Variants in PPFIA2 observed in about 807,000 individuals in gnomAD.
PPFIA2 encodes the protein liprin-alpha-2.
PPFIA2 carries 46 observed loss-of-function variants against 175.5 expected under a neutral mutation model. The ratio of observed to expected loss-of-function variants is 0.26; its 90% confidence interval spans 0.21 to 0.34. The LOEUF (loss-of-function observed/expected upper bound fraction) is 0.34. Ranked by LOEUF, PPFIA2 falls within the 10% of genes least tolerant of loss-of-function variation. The probability of loss-of-function intolerance (pLI) is 1.00; values close to 1 mark genes in which losing one functional copy is unlikely to be tolerated. For synonymous variants in PPFIA2, 568 were observed against 511.4 expected (o/e 1.11, Z -1.49); for missense variants, 1,179 against 1,506.1 (o/e 0.78, Z 3.60).
intron 3 of PPFIA2, among the ~76,000 whole-genome samples, chr12:81,732,389 A>C (rs1486869745): frequency 1.3e-5 from 2 of 151,580 alleles, no homozygotes; most frequent in East Asian, 3.9e-4. Context: ...TGGAAAGTCC[A>C]GTGTGGGGAA....
chr12:81,542,276 G>A (rs1310361997), intron 4 of PPFIA2, among the ~76,000 whole-genome samples: 1 of 152,078 alleles, frequency 6.6e-6, no homozygotes, highest in Non-Finnish European at 1.5e-5. Context: ...TAAAGCCACA[G>A]GAGGCTGAAA....
chr12:81,330,373 A>G (rs2055860186), intron 21 of PPFIA2, among the ~76,000 whole-genome samples: 1 of 152,186 alleles, frequency 6.6e-6, no homozygotes, highest in East Asian at 1.9e-4. Context: ...AAAATTATGT[A>G]ATGTTCTTAA....
chr12:81,375,839 T>C lies in PPFIA2; in HGVS notation c.1088A>G (p.Lys363Arg), dbSNP rs1184161145. ...ESTSIHDMND[K>R]LENELANKEA... ...TTTATTTGCTAACTCATTTTCTAGTTTATCATTCATGTCATGTATGGAGGT... is the reference window on the plus strand; with the variant it reads ...TTTATTTGCTAACTCATTTTCTAGTCTATCATTCATGTCATGTATGGAGGT... Residue 363 changes from lysine (K) to arginine (R), a missense_variant, in exon 10 of 33, where the codon AAA becomes AGA. Physicochemically the swap from Lys to Arg is conservative, Grantham distance 26 (BLOSUM62 2). Coordinates refer to ENST00000549396, the MANE Select transcript of PPFIA2 (RefSeq NM_003625.5). The C allele has an allele frequency of 6.2e-7, 1 of 1,608,994 alleles. No individual in the cohort carries two copies. Among genetic ancestry groups the C allele is most frequent in the South Asian group, 1.1e-5 (1 of 90,962 alleles).
intron 4 of PPFIA2, among the ~76,000 whole-genome samples, chr12:81,462,700 T>C (rs1314003080): frequency 4.0e-5 from 6 of 150,602 alleles, no homozygotes; most frequent in African/African-American, 1.2e-4. Flanking sequence ...ATCTGCAGTA[T>C]ACCTCCCACC....
chr12:81,688,760 T>A (rs2074800225), intron 3 of PPFIA2, among the ~76,000 whole-genome samples: 1 of 148,786 alleles, frequency 6.7e-6, no homozygotes, highest in African/African-American at 2.5e-5. Flanking sequence ...AAGGCAGAAT[T>A]TTTTGTGAAC....
At chr12:81,406,917 G>T (rs2043038656) in intron 7 of PPFIA2, among the ~76,000 whole-genome samples, 1 of 152,122 alleles carries the variant, frequency 6.6e-6, no homozygotes, top group Admixed American at 6.5e-5. Context: ...ATATCAAGGG[G>T]TTGGGTGTTT....
intron 4 of PPFIA2, among the ~76,000 whole-genome samples, chr12:81,485,172 T>A (rs1215693801): frequency 6.6e-6 from 1 of 151,850 alleles, no homozygotes; most frequent in Non-Finnish European, 1.5e-5. Flanking sequence ...TCTTCAAATT[T>A]CTAATTCAAA....
At chr12:81,438,061 A>G (rs1366780256) in intron 7 of PPFIA2, among the ~76,000 whole-genome samples, 3 of 152,076 alleles carry the variant, frequency 2.0e-5, no homozygotes, top group African/African-American at 7.2e-5. Context: ...TTTAATTCAC[A>G]TAGAGTTTAC....
chr12:81,267,728 ATTTTTTTT>A (rs137975780), intron 29 of PPFIA2, among the ~76,000 whole-genome samples, 176 bp downstream of exon 29: 6 of 77,762 alleles, frequency 7.7e-5, no homozygotes, highest in African/African-American at 1.5e-4. Flanking sequence ...TAATTGTATG[ATTTTTTTT>A]TTTTTTTTTT....
chr12:81,400,841 C>T (rs1231513185), intron 8 of PPFIA2, among the ~76,000 whole-genome samples: 2 of 152,130 alleles, frequency 1.3e-5, no homozygotes, highest in African/African-American at 4.8e-5. Flanking sequence ...ATGTGACATG[C>T]CGAGGATGTG....
At chr12:81,402,259 A>T (rs1242495671) in intron 8 of PPFIA2, among the ~76,000 whole-genome samples, 1 of 152,188 alleles carries the variant, frequency 6.6e-6, no homozygotes, top group Non-Finnish European at 1.5e-5. Context: ...CAATTTACAC[A>T]CTAACACTAC....
intron 3 of PPFIA2, among the ~76,000 whole-genome samples, chr12:81,692,093 C>T (rs12319353): frequency 9.6e-6 from 1 of 104,198 alleles, no homozygotes; most frequent in African/African-American, 4.4e-5. Context: ...GACACACACA[C>T]ACATACACAA....
intron 24 of PPFIA2, chr12:81,292,838 C>T (rs1346200544): frequency 1.3e-5 from 2 of 151,960 alleles, no homozygotes; most frequent in African/African-American, 2.4e-5. Flanking sequence ...TAGTGAAAAA[C>T]ATTTGTGTCT....
chr12:81,645,884 C>T (rs2065989270), intron 4 of PPFIA2, among the ~76,000 whole-genome samples: 1 of 152,200 alleles, frequency 6.6e-6, no homozygotes, highest in South Asian at 2.1e-4. Flanking sequence ...TTCAGCTACT[C>T]CTGGAGACAG....
intron 3 of PPFIA2, among the ~76,000 whole-genome samples, chr12:81,680,413 T>C (rs977972976): frequency 2.0e-5 from 3 of 152,026 alleles, no homozygotes; most frequent in Non-Finnish European, 2.9e-5. Context: ...AGAAATGGGT[T>C]ATAAAACATA....
At chr12:81,693,158 C>G (rs184434874) in intron 3 of PPFIA2, among the ~76,000 whole-genome samples, 11 of 152,146 alleles carry the variant, frequency 7.2e-5, no homozygotes, top group Admixed American at 7.2e-4. Context: ...AGTCTCTTTT[C>G]AGGAAGCATT....
chr12:81,302,967 C>T (rs990916951), intron 22 of PPFIA2, among the ~76,000 whole-genome samples: 1 of 152,128 alleles, frequency 6.6e-6, no homozygotes, highest in Non-Finnish European at 1.5e-5. Flanking sequence ...TAAGGGCATG[C>T]TTATTCTCAT....
At chr12:81,675,505 T>C (rs2072335179) in intron 4 of PPFIA2, 1 of 152,062 alleles carries the variant, frequency 6.6e-6, no homozygotes, top group African/African-American at 2.4e-5. Flanking sequence ...ACAGATATTT[T>C]ATTTTGCTTT....
At chr12:81,494,449 T>A (rs1309354450) in intron 4 of PPFIA2, among the ~76,000 whole-genome samples, 2 of 152,082 alleles carry the variant, frequency 1.3e-5, no homozygotes, top group Non-Finnish European at 2.9e-5. Flanking sequence ...AAACAACAGG[T>A]GCTGGTGAGG....
Sources: allele counts gnomAD v4.1 joint callset (sites outside exome capture counted in the v4.1 genomes callset), GRCh38; gene constraint gnomAD v4.1.1; transcripts MANE v1.5; gene names NCBI Gene and HGNC (gene_info 2026-07-23, HGNC 2026-07-21).